SYNJ2: variants seen among roughly 807,000 people sequenced by gnomAD.
SYNJ2 encodes synaptojanin 2, also known as polyphosphatidylinositol phosphatase SYNJ2.
In SYNJ2, 116 loss-of-function variants were observed where a neutral mutation model predicts 141.3. The observed-to-expected ratio is 0.82, with a 90% CI of 0.71 to 0.96. The LOEUF (loss-of-function observed/expected upper bound fraction) is 0.96. SYNJ2 is among the 40% of genes least tolerant of loss of function. SYNJ2 has a pLI of 0.00. For missense variants in SYNJ2, 1,873 were observed against 1,934.8 expected (o/e 0.97, Z 0.60); for synonymous variants, 745 against 777.7 (o/e 0.96, Z 0.70).
chr6:158,026,592 T>C (rs1779061144), intron 2 of SYNJ2, among the ~76,000 whole-genome samples: 1 of 152,056 alleles, frequency 6.6e-6, no homozygotes, highest in African/African-American at 2.4e-5. Context: ...ACAGTGCTCC[T>C]CTCCCCAGCC....
At chr6:158,031,687 A>G (rs1012455985) in intron 3 of SYNJ2, among the ~76,000 whole-genome samples, 4 of 152,196 alleles carry the variant, frequency 2.6e-5, no homozygotes, top group Non-Finnish European at 5.9e-5. Context: ...CACATAAGGC[A>G]GAGTGAGCAG....
Position 158,054,991 on chromosome 6 carries a change from C to T in SYNJ2, c.820C>T (p.His274Tyr). ...GGTTGGCTCCCATCATCTGAGACTC[C>T]ACAGAGGCCTGGAAGCCAATGCCCC... ...LQVGSHHLRL[H>Y]RGLEANAPAF... is the part of the protein sequence containing the mutation. Residue 274 changes from histidine to tyrosine, a missense_variant, in exon 6 of 27, where the codon CAC becomes TAC. Physicochemically the swap from His to Tyr is moderately conservative, Grantham distance 83 (BLOSUM62 2). Coordinates refer to ENST00000355585, the MANE Select transcript of SYNJ2 (RefSeq NM_003898.4). The T allele has an allele frequency of 1.2e-6, 2 of 1,614,034 alleles. No individual in the cohort carries two copies. The highest frequency in any genetic ancestry group is 8.5e-7 in the Non-Finnish European group (1 of 1,180,010).
At chr6:158,087,122 G>A (rs1437776888) in intron 23 of SYNJ2, 133 bp downstream of exon 23, 12 of 1,064,320 alleles carry the variant, frequency 1.1e-5, no homozygotes, top group Non-Finnish European at 1.5e-5. Context: ...TCCTCCTTGG[G>A]CTCCGTTTTG....
intron 1 of SYNJ2, among the ~76,000 whole-genome samples, chr6:158,005,790 G>C (rs1778046502): frequency 6.6e-6 from 1 of 151,672 alleles, no homozygotes; most frequent in Non-Finnish European, 1.5e-5. Flanking sequence ...TTCAGCTGAT[G>C]GCCTCGTCCT....
chr6:158,096,029 A>C lies in SYNJ2; in HGVS notation c.4156A>C (p.Thr1386Pro). 2.5e-6 allele frequency: 4 copies of C among 1,614,180 alleles called. No individual in the cohort carries two copies. The highest frequency in any genetic ancestry group is 3.4e-6 in the Non-Finnish European group (4 of 1,180,028). ...CTTCCCACAAGGGGACTTTCTCAGC[A>C]CTTCATCTGCTACAAGCCCCGACAG... ...TVFPQGDFLS[T>P]SSATSPDSDG... The change falls in exon 27 of 27, where the codon ACT becomes CCT. Residue 1386 changes from threonine (T) to proline (P), a missense_variant. Coordinates refer to ENST00000355585, the MANE Select transcript of SYNJ2 (RefSeq NM_003898.4).
chr6:157,996,705 G>T (rs1777645296), intron 1 of SYNJ2, among the ~76,000 whole-genome samples: 1 of 152,106 alleles, frequency 6.6e-6, no homozygotes, highest in African/African-American at 2.4e-5. Context: ...ATCCCCCCTG[G>T]GGTTATCATT....
chr6:158,080,797 C>T (rs1480264379), intron 18 of SYNJ2, among the ~76,000 whole-genome samples: 2 of 152,208 alleles, frequency 1.3e-5, no homozygotes, highest in Non-Finnish European at 2.9e-5. Flanking sequence ...TACTGGGATA[C>T]ATCTTTAAGG....
At chr6:158,085,482 C>G (rs2128393812) in intron 22 of SYNJ2, among the ~76,000 whole-genome samples, 1 of 152,314 alleles carries the variant, frequency 6.6e-6, no homozygotes, top group East Asian at 1.9e-4. Context: ...CAGCTCTAAC[C>G]AGCAGGTGCA....
intron 26 of SYNJ2, 126 bp from the exon 27 acceptor site, chr6:158,095,492 A>G (rs965872501): frequency 2.3e-6 from 3 of 1,284,356 alleles, no homozygotes; most frequent in Non-Finnish European, 3.1e-6. Flanking sequence ...CACATTCTCA[A>G]ATCTCGAATT....
At chr6:158,067,694 G>A in intron 12 of SYNJ2, 1 of 985,362 alleles carries the variant, frequency 1.0e-6, no homozygotes, top group Non-Finnish European at 1.2e-6. Flanking sequence ...AGCTGCCTGG[G>A]TAGTACCCAG....
At chr6:158,009,532 C>T (rs949191240) in intron 1 of SYNJ2, among the ~76,000 whole-genome samples, 2 of 152,206 alleles carry the variant, frequency 1.3e-5, no homozygotes, top group African/African-American at 4.8e-5. Context: ...AGGAAGGGGG[C>T]TGAGGAGGTA....
At chr6:158,056,515 GTGC>G (rs1780877990) in intron 6 of SYNJ2, among the ~76,000 whole-genome samples, 1 of 152,166 alleles carries the variant, frequency 6.6e-6, no homozygotes. Flanking sequence ...TCCCTTGCAG[GTGC>G]TGCTGCTCTC....
intron 22 of SYNJ2, among the ~76,000 whole-genome samples, chr6:158,085,488 G>T (rs141649434): frequency 6.6e-6 from 1 of 152,204 alleles, no homozygotes; most frequent in Non-Finnish European, 1.5e-5. Flanking sequence ...TAACCAGCAG[G>T]TGCAGGAGCT....
chr6:158,045,983 C>T (rs1780215862), intron 5 of SYNJ2, among the ~76,000 whole-genome samples: 1 of 152,138 alleles, frequency 6.6e-6, no homozygotes, highest in Non-Finnish European at 1.5e-5. Flanking sequence ...TGCTCTGTCA[C>T]CCAGGCTGGA....
chr6:157,989,102 G>A (rs562448573), intron 1 of SYNJ2, among the ~76,000 whole-genome samples: 50 of 152,292 alleles, frequency 3.3e-4, no homozygotes, highest in Non-Finnish European at 5.0e-4. Flanking sequence ...TCAGGAAACA[G>A]TCCCAGATCA....
At chr6:158,092,075 T>TAA (rs1562411040) in intron 25 of SYNJ2, among the ~76,000 whole-genome samples, 1 of 151,334 alleles carries the variant, frequency 6.6e-6, no homozygotes, top group Non-Finnish European at 1.5e-5. Flanking sequence ...AAAGGGTGAA[T>TAA]TTCACGGTAT....
At chr6:158,017,444 T>G in intron 2 of SYNJ2, 154 bp downstream of exon 2, 4 of 1,122,222 alleles carry the variant, frequency 3.6e-6, no homozygotes, top group Non-Finnish European at 4.8e-6. Flanking sequence ...GATAGAGTTT[T>G]GCTCTTGTTG....
intron 23 of SYNJ2, among the ~76,000 whole-genome samples, chr6:158,087,460 T>C (rs1382383360): frequency 6.6e-6 from 1 of 152,192 alleles, no homozygotes; most frequent in African/African-American, 2.4e-5. Context: ...AGTTCCCCCT[T>C]ATCCTGGGTC....
At chr6:158,052,826 T>C (rs918161602) in intron 5 of SYNJ2, among the ~76,000 whole-genome samples, 6 of 152,322 alleles carry the variant, frequency 3.9e-5, no homozygotes, top group East Asian at 1.9e-4. Flanking sequence ...CTCCTACATA[T>C]AGTATAGGTA....
Sources: allele counts gnomAD v4.1 joint callset (sites outside exome capture counted in the v4.1 genomes callset), GRCh38; gene constraint gnomAD v4.1.1; transcripts MANE v1.5; gene names NCBI Gene and HGNC (gene_info 2026-07-23, HGNC 2026-07-21).